Variants in GLIS3 observed in about 807,000 individuals in gnomAD.
GLIS3 encodes GLIS family zinc finger 3.
Under a neutral mutation model 78.6 loss-of-function variants are expected in GLIS3, and 53 were observed. The observed-to-expected ratio is 0.67, with a 90% confidence interval of 0.54 to 0.85. GLIS3 has a LOEUF of 0.85. GLIS3 is among the 40% of genes least tolerant of loss of function. The pLI is 0.00. For missense variants in GLIS3, 1,703 were observed against 1,231.1 expected (o/e 1.38, Z -5.74); for synonymous variants, 684 against 509.9 (o/e 1.34, Z -4.60).
intron 6 of GLIS3, among the ~76,000 whole-genome samples, chr9:3,908,402 C>G (rs1237850724): frequency 6.6e-6 from 1 of 152,114 alleles, no homozygotes; most frequent in Non-Finnish European, 1.5e-5. Flanking sequence ...GTGACAACTC[C>G]AAGGCTCGGA....
intron 2 of GLIS3, among the ~76,000 whole-genome samples, chr9:4,253,640 T>G (rs1016846629): frequency 2.0e-5 from 3 of 152,274 alleles, no homozygotes; most frequent in East Asian, 1.9e-4. Context: ...TAGCGTTCCA[T>G]GTGCCACTGA....
chr9:4,253,095 G>T (rs1200617047), intron 2 of GLIS3, among the ~76,000 whole-genome samples: 6 of 152,242 alleles, frequency 3.9e-5, no homozygotes, highest in African/African-American at 1.4e-4. Flanking sequence ...AGGGGTCAGG[G>T]ACCCACTGGA....
the GLIS3 span, among the ~76,000 whole-genome samples, chr9:4,368,149 A>G: frequency 3.9e-5 from 6 of 152,278 alleles, no homozygotes; most frequent in Admixed American, 1.3e-4. Flanking sequence ...CACTTATATC[A>G]GCTTTTAAGT....
intron 8 of GLIS3, among the ~76,000 whole-genome samples, chr9:3,872,096 C>T (rs1279997535): frequency 6.6e-6 from 1 of 152,206 alleles, no homozygotes; most frequent in Non-Finnish European, 1.5e-5. Flanking sequence ...CCACCACTAC[C>T]TTTGCTAAAA....
intron 9 of GLIS3, among the ~76,000 whole-genome samples, chr9:3,854,469 TCTCTTCCTTCCTAC>T (rs1563778095): frequency 8.6e-5 from 13 of 151,802 alleles, no homozygotes; most frequent in Admixed American, 2.0e-4. Context: ...TTTTTCAAGG[TCTCTTCCTTCCTAC>T]AGCTGGCTGC....
chr9:4,127,481 T>C (rs555547721), intron 2 of GLIS3, among the ~76,000 whole-genome samples: 13 of 152,320 alleles, frequency 8.5e-5, no homozygotes, highest in African/African-American at 3.1e-4. Flanking sequence ...GTTATAGATA[T>C]TCTGTTTTCG....
chr9:4,381,054 G>A, the GLIS3 span, among the ~76,000 whole-genome samples: 1 of 152,122 alleles, frequency 6.6e-6, no homozygotes, highest in Non-Finnish European at 1.5e-5. Context: ...TAAAAAGATA[G>A]GAGAAATTCA....
intron 4 of GLIS3, among the ~76,000 whole-genome samples, chr9:4,109,381 G>T (rs950448025): frequency 4.6e-5 from 7 of 152,158 alleles, no homozygotes; most frequent in African/African-American, 1.7e-4. Flanking sequence ...TTGGTCTCTA[G>T]TCTTCCCCAG....
At chr9:4,420,462 GT>G in the GLIS3 span, among the ~76,000 whole-genome samples, 2 of 152,218 alleles carry the variant, frequency 1.3e-5, no homozygotes, top group Non-Finnish European at 2.9e-5. Context: ...GTAAGGTGCT[GT>G]GATCCAAGGA....
chr9:3,996,535 C>T (rs1820754877), intron 4 of GLIS3, among the ~76,000 whole-genome samples: 1 of 152,124 alleles, frequency 6.6e-6, no homozygotes, highest in South Asian at 2.1e-4. Context: ...AATGTCAAAA[C>T]TTGTAGGATG....
chr9:4,314,775 G>C (rs1450290146), intron 2 of GLIS3, among the ~76,000 whole-genome samples: 1 of 152,196 alleles, frequency 6.6e-6, no homozygotes, highest in Non-Finnish European at 1.5e-5. Flanking sequence ...GGGATTTTGG[G>C]CAAGTTCCTT....
At chr9:4,005,343 G>A (rs1405754510) in intron 4 of GLIS3, among the ~76,000 whole-genome samples, 2 of 152,164 alleles carry the variant, frequency 1.3e-5, no homozygotes, top group Non-Finnish European at 2.9e-5. Flanking sequence ...ATTCATGTGT[G>A]CATGGATGCA....
chr9:4,401,840 G>A, the GLIS3 span, among the ~76,000 whole-genome samples: 6 of 151,986 alleles, frequency 3.9e-5, no homozygotes, highest in African/African-American at 1.2e-4. Context: ...GAGCATTGGT[G>A]GTGGCCTGGC....
chr9:4,399,137 T>G, the GLIS3 span, among the ~76,000 whole-genome samples: 1 of 152,210 alleles, frequency 6.6e-6, no homozygotes, highest in Non-Finnish European at 1.5e-5. Context: ...ATATGTATTT[T>G]CAAATAGCTA....
intron 6 of GLIS3, among the ~76,000 whole-genome samples, chr9:3,910,249 A>G (rs1824043770): frequency 6.6e-6 from 1 of 152,244 alleles, no homozygotes; most frequent in African/African-American, 2.4e-5. Flanking sequence ...ATGCTGTAGT[A>G]TCATAGAATT....
the GLIS3 span, among the ~76,000 whole-genome samples, chr9:4,484,227 CTT>C: frequency 3.4e-5 from 5 of 145,402 alleles, no homozygotes; most frequent in Admixed American, 2.7e-4. Context: ...GCCAAACTAA[CTT>C]TTTTTTTTTA....
the GLIS3 span, among the ~76,000 whole-genome samples, chr9:4,353,807 T>C: frequency 6.6e-6 from 1 of 152,266 alleles, no homozygotes; most frequent in Admixed American, 6.5e-5. Context: ...TCGGTGCCTG[T>C]AGCTGTTGAT....
chr9:4,270,766 G>C (rs1261398551), intron 2 of GLIS3, among the ~76,000 whole-genome samples: 2 of 152,196 alleles, frequency 1.3e-5, no homozygotes, highest in Non-Finnish European at 2.9e-5. Flanking sequence ...CCTCAGGCTG[G>C]AACGATACCA....
chr9:4,430,946 G>T, the GLIS3 span, among the ~76,000 whole-genome samples: 1 of 150,112 alleles, frequency 6.7e-6, no homozygotes, highest in South Asian at 2.1e-4. Context: ...TGTGAGAAGT[G>T]AATATCTGCT....
Sources: gnomAD v4.1 joint callset for allele counts (sites outside exome capture counted in the v4.1 genomes callset) on GRCh38, gnomAD v4.1.1 for gene constraint, MANE v1.5 for transcripts, NCBI Gene and HGNC (gene_info 2026-07-23, HGNC 2026-07-21) for gene names.